TRIM16: variants seen among roughly 807,000 people sequenced by gnomAD.
The protein encoded by TRIM16 is tripartite motif containing 16.
Under a neutral mutation model 50.4 loss-of-function variants are expected in TRIM16, and 33 were observed. That is an observed-to-expected ratio of 0.65 (90% confidence interval 0.50 to 0.88). The LOEUF (loss-of-function observed/expected upper bound fraction) is 0.88. Among genes scored for constraint, TRIM16 ranks in the 40% least tolerant of loss-of-function variants. The probability of loss-of-function intolerance (pLI) is 0.00; values close to 1 mark genes in which losing one functional copy is unlikely to be tolerated. For missense variants in TRIM16, 581 were observed against 686.8 expected, an observed-to-expected ratio of 0.85 and a Z score of 1.72; for synonymous variants, 229 against 270.7, an observed-to-expected ratio of 0.85 and a Z score of 1.51.
chr17:15,635,651 C>CT (rs1986698252), intron 9 of TRIM16, among the ~76,000 whole-genome samples: 1 of 121,092 alleles, frequency 8.3e-6, no homozygotes, highest in Non-Finnish European at 1.7e-5. Flanking sequence ...AGCCATACAC[C>CT]TGCCTGGCCG....
In TRIM16 at chr17:15,651,656, AG is replaced by A; in HGVS notation, c.-48del. 1 of 1,586,862 alleles carries A rather than the reference AG, an allele frequency of 6.3e-7. No homozygotes were observed. The highest frequency in any genetic ancestry group is 8.6e-7 in the Non-Finnish European group (1 of 1,167,474). ...CTGTCTTTCTTCTGTCCCTTGGCCCAGGATCTGTGCAGCCCAAGTCAGACAA... is the reference window on the plus strand; with the variant it reads ...CTGTCTTTCTTCTGTCCCTTGGCCCAGATCTGTGCAGCCCAAGTCAGACAA... On this transcript the variant is annotated 5_prime_UTR_variant, in exon 7 of 12. Coordinates refer to ENST00000649191, the MANE Select transcript of TRIM16 (RefSeq NM_001348119.1).
At chr17:15,682,332 G>A (rs1319736357) in intron 3 of TRIM16, among the ~76,000 whole-genome samples, 1 of 152,132 alleles carries the variant, frequency 6.6e-6, no homozygotes, top group African/African-American at 2.4e-5. Flanking sequence ...TCCCTGTACT[G>A]GACACTGACA....
At chr17:15,629,640 A>T (rs2150894500) in intron 11 of TRIM16, among the ~76,000 whole-genome samples, 1 of 152,382 alleles carries the variant, frequency 6.6e-6, no homozygotes, top group African/African-American at 2.4e-5. Context: ...GAATGAATGG[A>T]TCAAATGGAG....
chr17:15,652,965 T>A (rs144373519), intron 6 of TRIM16, among the ~76,000 whole-genome samples: 20 of 152,238 alleles, frequency 1.3e-4, no homozygotes, highest in Admixed American at 1.0e-3. Context: ...GACATGGTGT[T>A]ATAGTTGAGA....
intron 6 of TRIM16, among the ~76,000 whole-genome samples, chr17:15,665,970 A>C (rs1248933876): frequency 1.3e-5 from 2 of 152,094 alleles, no homozygotes. Flanking sequence ...GATTGCCACC[A>C]GCACCCAACT....
chr17:15,651,763 A>C lies in TRIM16; in HGVS notation c.-154T>G. On this transcript the variant is annotated 5_prime_UTR_variant, in exon 7 of 12. Transcript: ENST00000649191. ...CCCAGAGGAAGCTCGGCCACTCATTACTGTGTGCTGGCGCTGGATGGCAGC... is the reference window on the plus strand; with the variant it reads ...CCCAGAGGAAGCTCGGCCACTCATTCCTGTGTGCTGGCGCTGGATGGCAGC... 6.7e-7 allele frequency: 1 copy of C among 1,498,112 alleles called. No individual in the cohort carries two copies. The highest frequency in any genetic ancestry group is 8.9e-7 in the Non-Finnish European group (1 of 1,128,820). The allele number at this position is 1,498,112 out of a possible 1,614,324, so 92.8% of individuals were successfully genotyped here. A position where few individuals can be genotyped will look rare whatever the true frequency, so the allele number is the denominator to read the frequency against.
Position 15,632,633 on chromosome 17 carries a change from A to G in TRIM16, c.891T>C (p.Pro297=). The G allele has an allele frequency of 6.2e-7, 1 of 1,613,660 alleles. No individual in the cohort carries two copies. Among genetic ancestry groups the G allele is most frequent in the Non-Finnish European group, 8.5e-7 (1 of 1,179,706 alleles). Residue 297 remains proline, a synonymous_variant, in exon 10 of 12, where the codon CCT becomes CCC. Transcript: ENST00000649191. Reference sequence around the variant, plus strand: ...TATCCTTCAGCCCTACGTAAACACTAGGGAAGGTGATGTCTTCAGTGTTCT... The same window carrying G: ...TATCCTTCAGCCCTACGTAAACACTGGGGAAGGTGATGTCTTCAGTGTTCT... ...KFKNTEDITF[P]SVYVGLKDKL...
At chr17:15,678,810 T>C (rs1482089532) in intron 4 of TRIM16, among the ~76,000 whole-genome samples, 4 of 151,968 alleles carry the variant, frequency 2.6e-5, no homozygotes, top group African/African-American at 7.2e-5. Context: ...ACAGGTGGCA[T>C]TGGATTGACA....
At chr17:15,665,280 C>T (rs11868662) in intron 6 of TRIM16, among the ~76,000 whole-genome samples, 8 of 151,974 alleles carry the variant, frequency 5.3e-5, no homozygotes, top group African/African-American at 7.3e-5. Context: ...TGGGAGGCTG[C>T]GGCGGGCAGA....
chr17:15,638,725 G>A (rs1986973853), intron 8 of TRIM16, among the ~76,000 whole-genome samples: 1 of 148,228 alleles, frequency 6.7e-6, no homozygotes, highest in African/African-American at 2.5e-5. Flanking sequence ...AGAGAGGGAG[G>A]GAGAATGAGA....
chr17:15,680,025 T>C (rs936186908), intron 4 of TRIM16, among the ~76,000 whole-genome samples: 8 of 152,100 alleles, frequency 5.3e-5, no homozygotes, highest in African/African-American at 1.9e-4. Context: ...CTTTAAGTTT[T>C]TGTGGAACAA....
At chr17:15,679,739 C>T (rs1227179437) in intron 4 of TRIM16, among the ~76,000 whole-genome samples, 2 of 152,210 alleles carry the variant, frequency 1.3e-5, no homozygotes, top group Non-Finnish European at 2.9e-5. Flanking sequence ...AGATCGAGAC[C>T]ATCCTGGCTA....
chr17:15,683,065 T>G lies in TRIM16; in HGVS notation c.-806A>C. ...GTTCTGGAGTTTGCAGGTCCAATCC[T>G]CCATAATCATAGCCTTTGCTTCACT... is the stretch of plus-strand genomic sequence containing the variant. On this transcript the variant is annotated 5_prime_UTR_variant, in exon 2 of 12. Coordinates refer to ENST00000649191, the MANE Select transcript of TRIM16 (RefSeq NM_001348119.1). 1.3e-6 allele frequency: 2 copies of G among 1,550,606 alleles called. No individual in the cohort carries two copies. Among genetic ancestry groups the G allele is most frequent in the Non-Finnish European group, 1.7e-6 (2 of 1,147,006 alleles).
intron 6 of TRIM16, among the ~76,000 whole-genome samples, chr17:15,675,254 A>G (rs1209892682): frequency 6.6e-6 from 1 of 152,188 alleles, no homozygotes; most frequent in Non-Finnish European, 1.5e-5. Context: ...CCAGGGTAGG[A>G]GAGGAGGGAT....
At chr17:15,653,330 T>C (rs1017806239) in intron 6 of TRIM16, among the ~76,000 whole-genome samples, 4 of 152,206 alleles carry the variant, frequency 2.6e-5, no homozygotes, top group Non-Finnish European at 5.9e-5. Flanking sequence ...ATCTGTTTTC[T>C]TTATACGTTA....
rs554650516 is a variant in TRIM16, at chr17:15,647,657, T to G, written c.519+3434A>C. ...AGGGTATGTGCCTTGGCTTCCTGAT[T>G]AGAGTCCAAGCTCCTGGAGGCTAGA... On this transcript the variant is annotated intron_variant, in intron 7 of 11. Transcript: ENST00000649191. Among the ~76,000 whole-genome samples, 3 of 152,290 alleles carry G rather than the reference T, an allele frequency of 2.0e-5. No homozygotes were observed. In the South Asian group the frequency reaches 6.2e-4, roughly 32 times the overall value.
chr17:15,648,842 AACAAGGACACAGG>A (rs1433606588), intron 7 of TRIM16, among the ~76,000 whole-genome samples: 1 of 152,212 alleles, frequency 6.6e-6, no homozygotes, highest in Non-Finnish European at 1.5e-5. Context: ...CCGAGCTGAA[AACAAGGACACAGG>A]ACAAGGACAC....
At chr17:15,672,621 C>T (rs1435043734) in intron 6 of TRIM16, among the ~76,000 whole-genome samples, 2 of 152,176 alleles carry the variant, frequency 1.3e-5, no homozygotes, top group African/African-American at 4.8e-5. Context: ...GTGGTCCCAG[C>T]TACTCGGGAG....
intron 4 of TRIM16, among the ~76,000 whole-genome samples, chr17:15,678,286 C>T (rs531192171): frequency 7.2e-5 from 11 of 152,136 alleles, no homozygotes; most frequent in Middle Eastern, 3.4e-3. Context: ...CTATTTATAC[C>T]TTACAATAGA....
Sources: gnomAD v4.1 joint callset for allele counts (sites outside exome capture counted in the v4.1 genomes callset) on GRCh38, gnomAD v4.1.1 for gene constraint, MANE v1.5 for transcripts, NCBI Gene and HGNC (gene_info 2026-07-23, HGNC 2026-07-21) for gene names.